NKPD1: variants seen among roughly 807,000 people sequenced by gnomAD.
NKPD1 encodes the protein NTPase KAP family P-loop domain-containing protein 1.
Under a neutral mutation model 42.2 loss-of-function variants are expected in NKPD1, and 37 were observed. The observed-to-expected ratio is 0.88, with a 90% confidence interval of 0.67 to 1.15. The LOEUF (loss-of-function observed/expected upper bound fraction) is 1.15. Among genes scored for constraint, NKPD1 ranks in the 50% most tolerant of loss-of-function variants. The pLI is 0.00. For synonymous variants in NKPD1, 552 were observed against 536.5 expected, an observed-to-expected ratio of 1.03 and a Z score of -0.40; for missense variants, 1,113 against 1,174.6, an observed-to-expected ratio of 0.95 and a Z score of 0.77.
At chr19:45,159,193 G>A (rs1244095874) in intron 2 of NKPD1, 93 bp from the exon 3 acceptor site, 19 of 1,175,092 alleles carry the variant, frequency 1.6e-5, no homozygotes, top group Non-Finnish European at 2.1e-5. Flanking sequence ...TAGAACCTGG[G>A]GGCCAGAGTA....
chr19:45,152,402 G>T lies in NKPD1; in HGVS notation c.2035C>A (p.Gln679Lys). 6.3e-7 allele frequency: 1 copy of T among 1,575,560 alleles called. No homozygotes were observed. ...CGGCCCTCGGGCGCGCCCCCGGTCT[G>T]CTGCCGGTCCTCCAGGCACTGCAGC... ...WALQCLEDRQ[Q>K]TGGAPEGRAR... Residue 679 changes from glutamine (Q) to lysine (K), a missense_variant, in exon 5 of 5, where the codon CAG becomes AAG. Transcript: ENST00000686631.
Position 45,153,562 on chromosome 19 carries a change from A to T in NKPD1, c.875T>A (p.Leu292Gln), listed in dbSNP as rs2122781369. The change falls in exon 5 of 5, where the codon CTG becomes CAG. Residue 292 changes from leucine to glutamine, a missense_variant. Coordinates refer to ENST00000686631, the MANE Select transcript of NKPD1 (RefSeq NM_198478.4). ...SAWQYAGTDK[L>Q]WAGLVTTLCE... ...CAACGTGGTCACCAGGCCGGCCCAC[A>T]GCTTGTCGGTGCCCGCGTACTGCCA... The T allele has an allele frequency of 1.3e-6, 2 of 1,554,532 alleles. No individual in the cohort carries two copies. The highest frequency in any genetic ancestry group is 4.7e-5 in the East Asian group (2 of 42,716).
In NKPD1 at chr19:45,160,961, C is replaced by G. The variant is rs552448465; in HGVS notation, c.-108G>C. Among the ~76,000 whole-genome samples, 1 of 152,120 alleles carries G rather than the reference C, an allele frequency of 6.6e-6. No homozygotes were observed. The highest frequency in any genetic ancestry group is 1.5e-5 in the Non-Finnish European group (1 of 68,014). ...CTCACGGCCCCAGCTGCCTGCCCCA[C>G]GAGCAGCTGCCACACCAGCCCGGAC... On this transcript the variant is annotated 5_prime_UTR_variant, in exon 1 of 5. Transcript: ENST00000686631.
At position 45,152,497 on chromosome 19, in the gene NKPD1, C is replaced by T. The variant is rs1317063580; in HGVS notation, c.1940G>A (p.Gly647Asp). The T allele has an allele frequency of 7.7e-6, 12 of 1,557,366 alleles. No homozygotes were observed. The highest frequency in any genetic ancestry group is 1.7e-4 in the Middle Eastern group (1 of 5,938). Residue 647 changes from glycine to aspartate, a missense_variant, in exon 5 of 5, where the codon GGC becomes GAC. Physicochemically the swap from Gly to Asp is moderately conservative, Grantham distance 94. Transcript: ENST00000686631. The stretch of plus-strand genomic sequence containing the variant: ...CGCCACCGCCTGGCGCGGCGTGGGG[C>T]CCCCAAAGTCCCCCTGCTGCTGCTG... ...QQQQQQGDFGGPTPRQAVAWV... is the reference protein window; with the variant it reads ...QQQQQQGDFGDPTPRQAVAWV...
intron 4 of NKPD1, among the ~76,000 whole-genome samples, chr19:45,154,550 C>T (rs796385834): frequency 2.6e-4 from 39 of 152,292 alleles, no homozygotes; most frequent in African/African-American, 8.7e-4. Flanking sequence ...CTTCTCCTCC[C>T]GGGACCCTGT....
At position 45,149,932 on chromosome 19, in the gene NKPD1, C is replaced by G. The variant is rs1019124277; in HGVS notation, c.*2006G>C. On this transcript the variant is annotated 3_prime_UTR_variant, in exon 5 of 5. Coordinates refer to ENST00000686631, the MANE Select transcript of NKPD1 (RefSeq NM_198478.4). ...AGGGAGTGGAGAAGGGAAACCTGCT[C>G]CCTGACTCATTGCTGGGAAAGGCGC... 1.5e-4 allele frequency: 23 copies of G among 152,174 alleles called. No individual in the cohort carries two copies. The highest frequency in any genetic ancestry group is 5.6e-4 in the African/African-American group (23 of 41,410). The allele number at this position is 152,174 out of a possible 1,614,324, so 9.4% of individuals were successfully genotyped here. A position where few individuals can be genotyped will look rare whatever the true frequency, so the allele number is the denominator to read the frequency against.
Position 45,151,860 on chromosome 19 carries a change from G to A in NKPD1, c.*78C>T. 7.1e-7 allele frequency: 1 copy of A among 1,403,020 alleles called. No homozygotes were observed. 86.9% of individuals were successfully genotyped at this position (1,403,020 alleles called of 1,614,324 possible). On this transcript the variant is annotated 3_prime_UTR_variant, in exon 5 of 5. Transcript: ENST00000686631. ...GGGCTCATTCGGACCCTGGGTTGCG[G>A]CCCCAGTCCAGCCCCCTATTCTCCC...
At position 45,158,697 on chromosome 19, in the gene NKPD1, T is replaced by G; in HGVS notation, c.495A>C (p.Pro165=). The change falls in exon 3 of 5, where the codon CCA becomes CCC. Residue 165 remains proline, a synonymous_variant. Transcript: ENST00000686631. The surrounding 1 kb of genome is among the most constrained non-coding windows in gnomAD (Gnocchi z 4.6). ...AGGCAGTGAAGGAGCCACAGGCCGCTGGGGCGGGCAGGGGCCGGGCATCAG... is the reference window on the plus strand; with the variant it reads ...AGGCAGTGAAGGAGCCACAGGCCGCGGGGGCGGGCAGGGGCCGGGCATCAG... ...EPTDARPLPA[P]AACGSFTAYS... is the part of the protein sequence containing the mutation. The G allele has an allele frequency of 1.7e-6, 2 of 1,187,546 alleles. No homozygotes were observed. The highest frequency in any genetic ancestry group is 2.1e-6 in the Non-Finnish European group (2 of 938,024). 73.6% of individuals were successfully genotyped at this position (1,187,546 alleles called of 1,614,324 possible).
upstream of NKPD1, among the ~76,000 whole-genome samples, chr19:45,161,597 G>A (rs982447485): frequency 3.3e-5 from 5 of 152,238 alleles, no homozygotes; most frequent in Non-Finnish European, 7.3e-5. Flanking sequence ...CTCGGCCCCA[G>A]GGCACACAGA....
chr19:45,153,240 C>A lies in NKPD1; in HGVS notation c.1197G>T (p.Val399=). Residue 399 remains valine, a synonymous_variant, in exon 5 of 5, where the codon GTG becomes GTT. Coordinates refer to ENST00000686631, the MANE Select transcript of NKPD1 (RefSeq NM_198478.4). ...GCTGGCTTACGAACAGGTGCTTGCC[C>A]ACCGAGTACACGGCCATGAGCAGCC... is the stretch of plus-strand genomic sequence containing the variant. ...GSGLLMAVYS[V]GKHLFVSQRK... is the part of the protein sequence containing the mutation. 1 of 1,602,144 alleles carries A rather than the reference C, an allele frequency of 6.2e-7. No individual in the cohort carries two copies. The highest frequency in any genetic ancestry group is 2.3e-5 in the East Asian group (1 of 44,256).
At chr19:45,162,690 G>A (rs375548903), upstream of NKPD1, among the ~76,000 whole-genome samples, 47 of 152,268 alleles carry the variant, frequency 3.1e-4, 1 homozygote, top group African/African-American at 1.1e-3. Flanking sequence ...AAGACGCTCC[G>A]TTCTGTGCAC....
Position 45,160,054 on chromosome 19 carries a change from C to A in NKPD1, c.91+6G>T, listed in dbSNP as rs1251420447. The A allele has an allele frequency of 7.7e-7, 1 of 1,302,176 alleles. No homozygotes were observed. Among genetic ancestry groups the A allele is most frequent in the South Asian group, 1.2e-5 (1 of 80,654 alleles). 80.7% of individuals were successfully genotyped at this position (1,302,176 alleles called of 1,614,324 possible). A position where few individuals can be genotyped will look rare whatever the true frequency, so the allele number is the denominator to read the frequency against. ...GCCATCACCCGCCCCCAAACTGAACCCGTACCTTTTCGGTGCCCCAACTCT... is the reference window on the plus strand; with the variant it reads ...GCCATCACCCGCCCCCAAACTGAACACGTACCTTTTCGGTGCCCCAACTCT... On this transcript the variant is annotated splice_donor_region_variant and intron_variant, in intron 2 of 4. Transcript: ENST00000686631.
In NKPD1 at chr19:45,153,502, G is replaced by A. The variant is rs753582640; in HGVS notation, c.935C>T (p.Pro312Leu). 48 of 1,556,374 alleles carry A rather than the reference G, an allele frequency of 3.1e-5. No homozygotes were observed. In the South Asian group the frequency reaches 5.3e-4, roughly 17 times the overall value. Residue 312 changes from proline (P) to leucine (L), a missense_variant, in exon 5 of 5, where the codon CCC becomes CTC. Coordinates refer to ENST00000686631, the MANE Select transcript of NKPD1 (RefSeq NM_198478.4). The part of the protein sequence containing the change: ...EGIRRHYGAL[P>L]FSVYSVLGNK... ...GCCCAGCACCGAGTACACGCTGAAG[G>A]GCAGTGCGCCATAGTGGCGGCGGAT... is the stretch of plus-strand genomic sequence containing the variant.
In NKPD1 at chr19:45,153,116, G is replaced by A. The variant is rs1968826423; in HGVS notation, c.1321C>T (p.Leu441=). The change falls in exon 5 of 5, where the codon CTG becomes TTG. Residue 441 remains leucine, a synonymous_variant. Coordinates refer to ENST00000686631, the MANE Select transcript of NKPD1 (RefSeq NM_198478.4). ...KKEVELLTDF[L]CFLEIYQRRR... ...CGCTGGTAGATCTCCAGGAAGCACA[G>A]GAAGTCGGTGAGCAGCTCCACCTCC... 2 of 1,575,558 alleles carry A rather than the reference G, an allele frequency of 1.3e-6. No homozygotes were observed. The highest frequency in any genetic ancestry group is 2.7e-5 in the African/African-American group (2 of 73,904).
chr19:45,157,503 T>G (rs1968925383), intron 3 of NKPD1, among the ~76,000 whole-genome samples: 1 of 149,880 alleles, frequency 6.7e-6, no homozygotes, highest in Non-Finnish European at 1.5e-5. Context: ...CCTCGAACTC[T>G]GGGGCTCAAG....
chr19:45,152,197 T>A lies in NKPD1; in HGVS notation c.2240A>T (p.Asp747Val). 1 of 1,597,074 alleles carries A rather than the reference T, an allele frequency of 6.3e-7. No individual in the cohort carries two copies. The highest frequency in any genetic ancestry group is 8.5e-7 in the Non-Finnish European group (1 of 1,173,390). The change falls in exon 5 of 5, where the codon GAC (aspartate) becomes GTC (valine). Residue 747 changes from aspartate (D) to valine (V), a missense_variant. Around this residue, in one of 3 missense-constraint regions of NKPD1, gnomAD observed 867 missense variants for 870.1 expected, o/e 1.00. Coordinates refer to ENST00000686631, the MANE Select transcript of NKPD1 (RefSeq NM_198478.4). ...ACCCATGCGCCGGCGGATGGAGTGG[T>A]CCAGGTTGACCGTGCAGCGCAGCAG... ...QSLLRCTVNL[D>V]HSIRRRMGLI...
chr19:45,153,439 T>C lies in NKPD1; in HGVS notation c.998A>G (p.Glu333Gly). Residue 333 changes from glutamate to glycine, a missense_variant, in exon 5 of 5, where the codon GAG (glutamate) becomes GGG (glycine). Physicochemically the swap from Glu to Gly is moderately conservative, Grantham distance 98. Around this residue, in one of 3 missense-constraint regions of NKPD1, gnomAD observed 867 missense variants for 870.1 expected, o/e 1.00. Coordinates refer to ENST00000686631, the MANE Select transcript of NKPD1 (RefSeq NM_198478.4). ...PATRQDCCQS[E>G]WHCRRRVCLG... ...GCACACGCGGCGCCGACAATGCCAC[T>C]CGCTCTGGCAGCAGTCCTGCCTGGT... The C allele has an allele frequency of 6.5e-7, 1 of 1,548,234 alleles. No homozygotes were observed. Among genetic ancestry groups the C allele is most frequent in the Non-Finnish European group, 8.7e-7 (1 of 1,150,324 alleles).
Position 45,152,744 on chromosome 19 carries a change from C to A in NKPD1, c.1693G>T (p.Asp565Tyr), listed in dbSNP as rs1257480129. Residue 565 changes from aspartate to tyrosine, a missense_variant, in exon 5 of 5, where the codon GAC (aspartate) becomes TAC (tyrosine). Asp to Tyr is a radical substitution (Grantham distance 160). Transcript: ENST00000686631. Reference sequence around the variant, plus strand: ...AGCTGCGCGCTCTCGCCCCCGGCGTCCCCCGGCAGCCACGGCTTGCGCGTC... The same window carrying A: ...AGCTGCGCGCTCTCGCCCCCGGCGTACCCCGGCAGCCACGGCTTGCGCGTC... The part of the protein sequence containing the change: ...EMTRKPWLPG[D>Y]AGGESAQLLA... 3 of 1,593,116 alleles carry A rather than the reference C, an allele frequency of 1.9e-6. No individual in the cohort carries two copies. The highest frequency in any genetic ancestry group is 2.7e-5 in the African/African-American group (2 of 73,948).
At chr19:45,154,761 G>A (rs1419439170) in intron 4 of NKPD1, among the ~76,000 whole-genome samples, 1 of 152,088 alleles carries the variant, frequency 6.6e-6, no homozygotes, top group Non-Finnish European at 1.5e-5. Context: ...GGTGAGTCAC[G>A]CCTGTAATCT....
Sources: allele counts gnomAD v4.1 joint callset (sites outside exome capture counted in the v4.1 genomes callset), GRCh38; gene constraint gnomAD v4.1.1; regional missense constraint gnomAD v4.1.1; non-coding constraint Gnocchi (gnomAD v3.1); transcripts MANE v1.5; gene names NCBI Gene and HGNC (gene_info 2026-07-23, HGNC 2026-07-21).